Variants in PDGFRL observed in about 807,000 individuals in gnomAD.
PDGFRL encodes platelet derived growth factor receptor like.
PDGFRL carries 46 observed loss-of-function variants against 37.2 expected under a neutral mutation model. The observed-to-expected ratio is 1.24, with a 90% CI of 0.98 to 1.58. The LOEUF (loss-of-function observed/expected upper bound fraction) is 1.58, where lower values mean the gene tolerates loss of function less well. Ranked by LOEUF, PDGFRL falls within the 40% of genes most tolerant of loss-of-function variation. The pLI is 0.00. For missense variants in PDGFRL, 692 were observed against 467.6 expected (o/e 1.48, Z -4.43); for synonymous variants, 251 against 184.3 (o/e 1.36, Z -2.93).
chr8:17,579,526 GACAGTCTT>G (rs1803660463), intron 1 of PDGFRL, among the ~76,000 whole-genome samples: 1 of 82,198 alleles, frequency 1.2e-5, no homozygotes, highest in African/African-American at 5.1e-5. Context: ...ACATCTAAAA[GACAGTCTT>G]TATTATTATT....
Position 17,633,502 on chromosome 8 carries a change from TG to T in PDGFRL, c.800-569del, listed in dbSNP as rs200310515. ...GAGATCGCGCAGCTGCACTCCAGCC[TG>T]GGTGACAGAGACCCCATTTCTAAAT... On this transcript the variant is annotated intron_variant, in intron 4 of 5. Transcript: ENST00000251630. 8.4e-3 allele frequency among the ~76,000 whole-genome samples: 1,283 copies of T among 152,310 alleles called. 9 individuals carry two copies. The highest frequency in any genetic ancestry group is 0.058 in the Middle Eastern group (17 of 294).
In PDGFRL at chr8:17,619,145, C is replaced by T. The variant is rs1585323603; in HGVS notation, c.354-1906C>T. ...TGCTGCAAGATAAACTGCAGAATCT[C>T]AGCTACATCATAAAAGTATGTGGAT... On this transcript the variant is annotated intron_variant, in intron 2 of 5. Transcript: ENST00000251630. Among the ~76,000 whole-genome samples the T allele has an allele frequency of 2.0e-5, 3 of 152,294 alleles. No homozygotes were observed. In the South Asian group the frequency reaches 6.2e-4, roughly 32 times the overall value.
chr8:17,599,294 G>A (rs937179982), intron 2 of PDGFRL, among the ~76,000 whole-genome samples: 12 of 152,010 alleles, frequency 7.9e-5, no homozygotes, highest in South Asian at 4.1e-4. Context: ...ATCCCTCACT[G>A]CCCCAAACTC....
intron 3 of PDGFRL, among the ~76,000 whole-genome samples, chr8:17,627,975 T>C (rs1270587437): frequency 6.7e-6 from 1 of 149,484 alleles, no homozygotes; most frequent in Non-Finnish European, 1.5e-5. Flanking sequence ...ATACCTTTTC[T>C]GTTTTCTTTC....
At chr8:17,614,745 A>C (rs1267711696) in intron 2 of PDGFRL, among the ~76,000 whole-genome samples, 1 of 152,120 alleles carries the variant, frequency 6.6e-6, no homozygotes, top group African/African-American at 2.4e-5. Context: ...CATCCAGCTA[A>C]TTTTTAACAT....
At chr8:17,586,617 C>T (rs1803823365) in intron 1 of PDGFRL, among the ~76,000 whole-genome samples, 1 of 152,048 alleles carries the variant, frequency 6.6e-6, no homozygotes, top group Admixed American at 6.6e-5. Context: ...ACCACAAGTT[C>T]ATCATAGAGA....
chr8:17,634,086 C>G lies in PDGFRL; in HGVS notation c.812C>G (p.Pro271Arg), dbSNP rs372660740. 17 of 1,613,986 alleles carry G rather than the reference C, an allele frequency of 1.1e-5. No homozygotes were observed. Among genetic ancestry groups the G allele is most frequent in the Admixed American group, 6.7e-5 (4 of 60,012 alleles). Residue 271 changes from proline (P) to arginine (R), a missense_variant, in exon 5 of 6, where the codon CCT (proline) becomes CGT (arginine). Pro to Arg is a moderately radical substitution (Grantham distance 103). Coordinates refer to ENST00000251630, the MANE Select transcript of PDGFRL (RefSeq NM_001372073.1). The stretch of plus-strand genomic sequence containing the variant: ...TGCTTGCTTCCAGTTCCCAGTGGCC[C>G]TCCCTCAACAACCATCTTGGCTTCT... ...QLLYVAVPSG[P>R]PSTTILASSN...
At chr8:17,632,799 G>A (rs931036573) in intron 4 of PDGFRL, among the ~76,000 whole-genome samples, 7 of 150,764 alleles carry the variant, frequency 4.6e-5, no homozygotes, top group African/African-American at 1.5e-4. Flanking sequence ...CCTCCACTCC[G>A]CCACTGCCTC....
intron 3 of PDGFRL, among the ~76,000 whole-genome samples, chr8:17,622,196 C>A (rs188219250): frequency 8.5e-5 from 13 of 152,348 alleles, no homozygotes; most frequent in Non-Finnish European, 1.6e-4. Flanking sequence ...CCTCTTTCTT[C>A]TGTAATGTTC....
intron 1 of PDGFRL, among the ~76,000 whole-genome samples, chr8:17,586,461 C>T (rs1803819414): frequency 6.6e-6 from 1 of 152,308 alleles, no homozygotes; most frequent in Non-Finnish European, 1.5e-5. Flanking sequence ...ATGCTAATCT[C>T]TAAGTGGATG....
chr8:17,585,223 A>G (rs983234873), intron 1 of PDGFRL, among the ~76,000 whole-genome samples: 13 of 152,152 alleles, frequency 8.5e-5, no homozygotes, highest in Admixed American at 4.6e-4. Context: ...CTTTACCACA[A>G]CCTGTTTTAT....
At chr8:17,614,544 C>T (rs1804485903) in intron 2 of PDGFRL, among the ~76,000 whole-genome samples, 1 of 152,154 alleles carries the variant, frequency 6.6e-6, no homozygotes, top group Non-Finnish European at 1.5e-5. Context: ...CAGTTTTTCA[C>T]ATGAATGTAG....
At chr8:17,626,802 G>A (rs535818502) in intron 3 of PDGFRL, among the ~76,000 whole-genome samples, 1 of 152,306 alleles carries the variant, frequency 6.6e-6, no homozygotes, top group South Asian at 2.1e-4. Context: ...TTTCTTGCCT[G>A]TCCTAAGGAC....
intron 1 of PDGFRL, among the ~76,000 whole-genome samples, chr8:17,586,515 C>G (rs140726632): frequency 8.5e-4 from 129 of 152,308 alleles, no homozygotes; most frequent in African/African-American, 3.0e-3. Context: ...GACTTGGAGT[C>G]AGAGGGTCTG....
At chr8:17,595,685 T>A (rs1255612079) in intron 2 of PDGFRL, among the ~76,000 whole-genome samples, 1 of 152,074 alleles carries the variant, frequency 6.6e-6, no homozygotes, top group Admixed American at 6.5e-5. Context: ...CGCCCCTTTT[T>A]CAGGGTCTCA....
chr8:17,632,763 C>G (rs1197093835), intron 4 of PDGFRL, among the ~76,000 whole-genome samples: 2 of 152,126 alleles, frequency 1.3e-5, no homozygotes, highest in Non-Finnish European at 2.9e-5. Context: ...GGTCTCACTC[C>G]TCCCTCCCCT....
chr8:17,592,664 C>T (rs1024146312), intron 2 of PDGFRL, among the ~76,000 whole-genome samples: 3 of 152,158 alleles, frequency 2.0e-5, no homozygotes, highest in Non-Finnish European at 2.9e-5. Flanking sequence ...CTCTTGGGCC[C>T]CTCAGTACCG....
At chr8:17,601,467 T>C (rs1268817670) in intron 2 of PDGFRL, among the ~76,000 whole-genome samples, 1 of 152,134 alleles carries the variant, frequency 6.6e-6, no homozygotes, top group Non-Finnish European at 1.5e-5. Context: ...TTTTTTTTTT[T>C]TCCTCTTTCT....
chr8:17,634,787 A>C (rs1204923600), intron 5 of PDGFRL, among the ~76,000 whole-genome samples: 1 of 152,078 alleles, frequency 6.6e-6, no homozygotes, highest in Non-Finnish European at 1.5e-5. Context: ...ATGGACATAT[A>C]GAGGGGAACA....
Sources: gnomAD v4.1 joint callset for allele counts (sites outside exome capture counted in the v4.1 genomes callset) on GRCh38, gnomAD v4.1.1 for gene constraint, MANE v1.5 for transcripts, NCBI Gene and HGNC (gene_info 2026-07-23, HGNC 2026-07-21) for gene names.